CMKLR1: variants seen among roughly 807,000 people sequenced by gnomAD.
CMKLR1 encodes chemerin-like receptor 1.
Under a neutral mutation model 8.2 loss-of-function variants are expected in CMKLR1, and 6 were observed. The ratio of observed to expected loss-of-function variants is 0.73; its 90% CI spans 0.40 to 1.44. CMKLR1 has a LOEUF of 1.44. Ranked by LOEUF, CMKLR1 falls within the 40% of genes most tolerant of loss-of-function variation. The pLI is 0.02. For missense variants in CMKLR1, 429 were observed against 478.0 expected, an observed-to-expected ratio of 0.90 and a Z score of 0.96; for synonymous variants, 178 against 181.2, an observed-to-expected ratio of 0.98 and a Z score of 0.14.
chr12:108,308,655 G>A (rs957030712), intron 2 of CMKLR1, among the ~76,000 whole-genome samples: 2 of 152,162 alleles, frequency 1.3e-5, no homozygotes, highest in African/African-American at 4.8e-5. Flanking sequence ...TCTATTAGAG[G>A]GTGAGGACGG....
intron 2 of CMKLR1, among the ~76,000 whole-genome samples, chr12:108,312,413 A>G (rs576249200): frequency 6.6e-6 from 1 of 152,110 alleles, no homozygotes; most frequent in African/African-American, 2.4e-5. Flanking sequence ...CGGCTTCTCC[A>G]TGGGGAAGAG....
At chr12:108,295,727 T>C (rs79175531) in intron 2 of CMKLR1, among the ~76,000 whole-genome samples, 2,784 of 152,314 alleles carry the variant, frequency 0.018, 85 homozygotes, top group African/African-American at 0.06. Context: ...CCCTCCCTCA[T>C]TGACAGTGGG....
intron 3 of CMKLR1, 38 bp from the exon 4 acceptor site, chr12:108,292,997 A>T: frequency 5.1e-6 from 8 of 1,559,366 alleles, no homozygotes; most frequent in Non-Finnish European, 6.9e-6. Flanking sequence ...GGAACCCTAG[A>T]GTTGGCTTTA....
chr12:108,310,956 C>T (rs7132132), intron 2 of CMKLR1, among the ~76,000 whole-genome samples: 4 of 146,266 alleles, frequency 2.7e-5, no homozygotes, highest in Admixed American at 1.4e-4. Context: ...ACCGCCCCCC[C>T]ACCCCCCGCC....
In CMKLR1 at chr12:108,292,476, T is replaced by G. The variant is rs780132798; in HGVS notation, c.487A>C (p.Ile163Leu). Residue 163 changes from isoleucine to leucine, a missense_variant, in exon 4 of 4, where the codon ATC (isoleucine) becomes CTC (leucine). Ile to Leu is a conservative substitution (Grantham distance 5). Transcript: ENST00000550402. The stretch of plus-strand genomic sequence containing the variant: ...CTCAAGAAGAAAGCCAGGACCCAGA[T>G]GACCATGCAGGCCATGTAAGCCAGG... ...VRLAYMACMV[I>L]WVLAFFLSSP... 2.5e-5 allele frequency: 41 copies of G among 1,614,044 alleles called. No individual in the cohort carries two copies. The highest frequency in any genetic ancestry group is 3.3e-5 in the Non-Finnish European group (39 of 1,180,048).
At position 108,335,511 on chromosome 12, in the gene CMKLR1, C is replaced by T. The variant is rs149408015; in HGVS notation, c.-287+3516G>A. Reference sequence around the variant, plus strand: ...ATACTTGCCTTATAATAAAGCTCTGCTTTGCTTCAGCCCTTATGCCTTTGG... The same window carrying T: ...ATACTTGCCTTATAATAAAGCTCTGTTTTGCTTCAGCCCTTATGCCTTTGG... On this transcript the variant is annotated intron_variant, in intron 1 of 3. Transcript: ENST00000550402. Among the ~76,000 whole-genome samples, 1,087 of 152,350 alleles carry T rather than the reference C, an allele frequency of 7.1e-3. 20 individuals carry two copies. The highest frequency in any genetic ancestry group is 0.024 in the African/African-American group (1,012 of 41,576).
chr12:108,328,928 G>A (rs1892043468), intron 2 of CMKLR1, among the ~76,000 whole-genome samples: 1 of 152,176 alleles, frequency 6.6e-6, no homozygotes, highest in East Asian at 1.9e-4. Flanking sequence ...TTTCCTCTCA[G>A]CCTCTATGCC....
Position 108,336,731 on chromosome 12 carries a change from G to A in CMKLR1, c.-287+2296C>T, listed in dbSNP as rs77298238. Among the ~76,000 whole-genome samples the A allele has an allele frequency of 4.2e-3, 637 of 152,282 alleles. 1 individual carries two copies. The highest frequency in any genetic ancestry group is 0.013 in the South Asian group (63 of 4,820). ...TTCTTGTACATCAGTGGGAATAAGA[G>A]CATTAATAATCCACTAAAGAAATCA... On this transcript the variant is annotated intron_variant, in intron 1 of 3. Transcript: ENST00000550402.
chr12:108,300,024 A>G (rs1023028347), intron 2 of CMKLR1, among the ~76,000 whole-genome samples: 1 of 152,228 alleles, frequency 6.6e-6, no homozygotes, highest in African/African-American at 2.4e-5. Context: ...ATAACAAGTT[A>G]TCTGAGGACA....
chr12:108,311,621 G>A (rs1956005177), intron 2 of CMKLR1, among the ~76,000 whole-genome samples: 1 of 152,128 alleles, frequency 6.6e-6, no homozygotes, highest in South Asian at 2.1e-4. Context: ...GCAAGACTTT[G>A]CCTCCTAAAA....
In CMKLR1 at chr12:108,335,160, G is replaced by A. The variant is rs1892191150; in HGVS notation, c.-287+3867C>T. On this transcript the variant is annotated intron_variant, in intron 1 of 3. Coordinates refer to ENST00000550402, the MANE Select transcript of CMKLR1 (RefSeq NM_001142343.2). Reference sequence around the variant, plus strand: ...GGTCACCACATTTGTGACAGAGACAGGTAGCTGTCCACAAAAATTCATTCT... The same window carrying A: ...GGTCACCACATTTGTGACAGAGACAAGTAGCTGTCCACAAAAATTCATTCT... Among the ~76,000 whole-genome samples, 10 of 152,190 alleles carry A rather than the reference G, an allele frequency of 6.6e-5. No individual in the cohort carries two copies. In the South Asian group the frequency reaches 2.1e-3, roughly 32 times the overall value.
chr12:108,337,299 A>C (rs1892250156), intron 1 of CMKLR1, among the ~76,000 whole-genome samples: 2 of 152,322 alleles, frequency 1.3e-5, no homozygotes, highest in Admixed American at 1.3e-4. Flanking sequence ...GTGGTTTGCA[A>C]ACTGAGAGGA....
chr12:108,301,924 C>T (rs1435800612), intron 2 of CMKLR1, among the ~76,000 whole-genome samples: 2 of 152,296 alleles, frequency 1.3e-5, no homozygotes, highest in Non-Finnish European at 2.9e-5. Context: ...CACACACAGG[C>T]ATGTGTGCTC....
intron 2 of CMKLR1, among the ~76,000 whole-genome samples, chr12:108,315,878 T>C (rs999025750): frequency 3.3e-5 from 5 of 152,220 alleles, no homozygotes; most frequent in Admixed American, 2.6e-4. Context: ...TGTGGGTCCC[T>C]GGGCAAGTGA....
At chr12:108,324,485 C>A (rs928024517) in intron 2 of CMKLR1, among the ~76,000 whole-genome samples, 5 of 152,090 alleles carry the variant, frequency 3.3e-5, no homozygotes, top group African/African-American at 4.8e-5. Context: ...GAGTTCTCTA[C>A]CCCAAGTTTC....
chr12:108,322,691 A>G (rs565835645), intron 2 of CMKLR1, among the ~76,000 whole-genome samples: 52 of 151,952 alleles, frequency 3.4e-4, no homozygotes, highest in Admixed American at 7.2e-4. Flanking sequence ...TCCTCTCCTC[A>G]TGTGATGCTG....
chr12:108,289,785 C>T lies in CMKLR1; in HGVS notation c.*2056G>A, dbSNP rs1474233212. On this transcript the variant is annotated 3_prime_UTR_variant, in exon 4 of 4. Transcript: ENST00000550402. Reference sequence around the variant, plus strand: ...CCAGCTTGGGATCAATTCAGAGCTGCCTTGTCATAAGCATTAAGGCACAAT... The same window carrying T: ...CCAGCTTGGGATCAATTCAGAGCTGTCTTGTCATAAGCATTAAGGCACAAT... 1.3e-5 allele frequency: 2 copies of T among 152,270 alleles called. No homozygotes were observed. Among genetic ancestry groups the T allele is most frequent in the African/African-American group, 4.8e-5 (2 of 41,470 alleles). The allele number at this position is 152,270 out of a possible 1,614,324, so 9.4% of individuals were successfully genotyped here. A position where few individuals can be genotyped will look rare whatever the true frequency, so the allele number is the denominator to read the frequency against.
chr12:108,292,528 G>A lies in CMKLR1; in HGVS notation c.435C>T (p.Val145=), dbSNP rs763156768. The A allele has an allele frequency of 1.4e-5, 22 of 1,614,090 alleles. No individual in the cohort carries two copies. The highest frequency in any genetic ancestry group is 1.8e-5 in the Non-Finnish European group (21 of 1,180,042). ...GAACGCTGCGGTGGTTCTGGGACCA[G>A]ACAGGGAGGAGCACAGAGATGCAGC... ...SDRCISVLLP[V]WSQNHRSVRL... is the part of the protein sequence containing the mutation. Residue 145 remains valine, a synonymous_variant, in exon 4 of 4, where the codon GTC becomes GTT. Transcript: ENST00000550402.
chr12:108,323,031 T>C (rs566924651), intron 2 of CMKLR1, among the ~76,000 whole-genome samples: 6 of 152,294 alleles, frequency 3.9e-5, no homozygotes, highest in African/African-American at 1.2e-4. Flanking sequence ...AGTGCCCACC[T>C]GAATCCCCCA....
Sources: allele counts gnomAD v4.1 joint callset (sites outside exome capture counted in the v4.1 genomes callset), GRCh38; gene constraint gnomAD v4.1.1; transcripts MANE v1.5; gene names NCBI Gene and HGNC (gene_info 2026-07-23, HGNC 2026-07-21).